PCDH9: variants seen among roughly 807,000 people sequenced by gnomAD.
PCDH9 encodes protocadherin 9, also known as protocadherin-9.
PCDH9 carries 24 observed loss-of-function variants against 70.6 expected under a neutral mutation model. The observed-to-expected ratio is 0.34, with a 90% CI of 0.25 to 0.48. The LOEUF is 0.48. Among genes scored for constraint, PCDH9 ranks in the 20% least tolerant of loss-of-function variants. PCDH9 has a pLI of 0.99. For synonymous variants in PCDH9, 562 were observed against 558.5 expected (o/e 1.01, Z -0.09); for missense variants, 1,281 against 1,503.6 (o/e 0.85, Z 2.45).
At position 66,874,728 on chromosome 13, in the gene PCDH9, T is replaced by C. The variant is rs552993571; in HGVS notation, c.3138+28776A>G. Among the ~76,000 whole-genome samples the C allele has an allele frequency of 2.6e-5, 4 of 152,272 alleles. No homozygotes were observed. In the South Asian group the frequency reaches 8.3e-4, roughly 32 times the overall value. ...ATTATTTTGGGCCTGAAACAGTACATAATTCTCATTTAACAAGATAAGACG... is the reference window on the plus strand; with the variant it reads ...ATTATTTTGGGCCTGAAACAGTACACAATTCTCATTTAACAAGATAAGACG... On this transcript the variant is annotated intron_variant, in intron 3 of 4. Transcript: ENST00000377865.
At chr13:66,868,203 A>C (rs71446826) in intron 3 of PCDH9, among the ~76,000 whole-genome samples, 1,816 of 152,124 alleles carry the variant, frequency 0.012, 17 homozygotes, top group Non-Finnish European at 0.02. Flanking sequence ...CAAATTTAGC[A>C]TGGCTAAATT....
At chr13:66,651,958 T>A (rs996632388) in intron 3 of PCDH9, among the ~76,000 whole-genome samples, 1 of 152,050 alleles carries the variant, frequency 6.6e-6, no homozygotes, top group Admixed American at 6.5e-5. Context: ...TAAAGTTCAA[T>A]ACCCTTTATG....
At chr13:66,488,990 C>T (rs1039412345) in intron 4 of PCDH9, among the ~76,000 whole-genome samples, 8 of 151,904 alleles carry the variant, frequency 5.3e-5, no homozygotes, top group East Asian at 1.9e-4. Flanking sequence ...AATATGTGTT[C>T]GTATACACAC....
chr13:66,502,499 A>G (rs982948671), intron 4 of PCDH9, among the ~76,000 whole-genome samples: 1 of 152,194 alleles, frequency 6.6e-6, no homozygotes, highest in African/African-American at 2.4e-5. Flanking sequence ...ACAAAACTAT[A>G]TAAACACACT....
At chr13:66,558,587 A>G (rs1961850328) in intron 4 of PCDH9, among the ~76,000 whole-genome samples, 1 of 152,030 alleles carries the variant, frequency 6.6e-6, no homozygotes, top group Non-Finnish European at 1.5e-5. Context: ...AATTTTTTTA[A>G]AAAACCTTTC....
intron 4 of PCDH9, among the ~76,000 whole-genome samples, chr13:66,349,684 A>G (rs1956264633): frequency 6.6e-6 from 1 of 152,134 alleles, no homozygotes; most frequent in South Asian, 2.1e-4. Context: ...CAGCGGTGCT[A>G]CCTTTACCTG....
intron 2 of PCDH9, among the ~76,000 whole-genome samples, chr13:67,146,326 T>C (rs2087522668): frequency 6.6e-6 from 1 of 152,142 alleles, no homozygotes; most frequent in Non-Finnish European, 1.5e-5. Context: ...ACTTAATAAA[T>C]AAGCATACAT....
intron 2 of PCDH9, among the ~76,000 whole-genome samples, chr13:66,976,186 T>TA (rs750075997): frequency 6.6e-5 from 10 of 152,100 alleles, no homozygotes; most frequent in Non-Finnish European, 1.3e-4. Context: ...TCTTCAATTC[T>TA]AAAATCCCCT....
intron 2 of PCDH9, among the ~76,000 whole-genome samples, chr13:67,003,570 T>A (rs2084287711): frequency 6.6e-6 from 1 of 152,172 alleles, no homozygotes; most frequent in South Asian, 2.1e-4. Context: ...CACATATTAT[T>A]AGATAGATTT....
intron 3 of PCDH9, among the ~76,000 whole-genome samples, chr13:66,814,364 T>A (rs1241836459): frequency 6.6e-6 from 1 of 152,144 alleles, no homozygotes; most frequent in African/African-American, 2.4e-5. Flanking sequence ...CTATTATTAA[T>A]TAATGTTGAA....
intron 3 of PCDH9, among the ~76,000 whole-genome samples, chr13:66,868,107 A>G (rs970429227): frequency 2.0e-5 from 3 of 152,044 alleles, no homozygotes; most frequent in African/African-American, 7.2e-5. Context: ...AAATGTAATG[A>G]GTGATTCAAA....
At chr13:66,561,412 C>A (rs1257584245) in intron 4 of PCDH9, among the ~76,000 whole-genome samples, 1 of 152,204 alleles carries the variant, frequency 6.6e-6, no homozygotes, top group Non-Finnish European at 1.5e-5. Context: ...AGTGCAGACA[C>A]AAGGCACAGG....
intron 3 of PCDH9, among the ~76,000 whole-genome samples, chr13:66,849,604 G>A (rs79880553): frequency 0.03 from 4,492 of 150,110 alleles, 236 homozygotes; most frequent in African/African-American, 0.1. Flanking sequence ...GAACTGTGCC[G>A]CTTTAAGGTA....
intron 3 of PCDH9, among the ~76,000 whole-genome samples, chr13:66,737,914 G>T (rs1566159515): frequency 6.6e-6 from 1 of 151,204 alleles, no homozygotes; most frequent in East Asian, 2.0e-4. Context: ...CAGCGAGGCT[G>T]GGGGAGGGGC....
At chr13:66,899,734 T>A (rs1472252186) in intron 3 of PCDH9, among the ~76,000 whole-genome samples, 4 of 151,932 alleles carry the variant, frequency 2.6e-5, no homozygotes, top group Non-Finnish European at 5.9e-5. Flanking sequence ...GCATTATGCA[T>A]TTATGGCATA....
intron 3 of PCDH9, among the ~76,000 whole-genome samples, chr13:66,812,348 A>G (rs894104811): frequency 6.6e-6 from 1 of 152,198 alleles, no homozygotes; most frequent in Non-Finnish European, 1.5e-5. Context: ...GGAAAAACTG[A>G]ACAAAAAAAA....
At chr13:66,558,585 T>TA (rs1961850173) in intron 4 of PCDH9, among the ~76,000 whole-genome samples, 1 of 151,944 alleles carries the variant, frequency 6.6e-6, no homozygotes, top group African/African-American at 2.4e-5. Flanking sequence ...GAAATTTTTT[T>TA]AAAAAACCTT....
At chr13:67,043,927 G>A (rs1418969293) in intron 2 of PCDH9, among the ~76,000 whole-genome samples, 1 of 152,108 alleles carries the variant, frequency 6.6e-6, no homozygotes, top group African/African-American at 2.4e-5. Context: ...GGTATATGCT[G>A]TTTTAAATGC....
intron 2 of PCDH9, among the ~76,000 whole-genome samples, chr13:66,904,888 A>C (rs2139602045): frequency 6.6e-6 from 1 of 152,120 alleles, no homozygotes; most frequent in Admixed American, 6.6e-5. Flanking sequence ...AGAAGGCATG[A>C]CTTTAAATCC....
Sources: allele counts gnomAD v4.1 joint callset (sites outside exome capture counted in the v4.1 genomes callset), GRCh38; gene constraint gnomAD v4.1.1; transcripts MANE v1.5; gene names NCBI Gene and HGNC (gene_info 2026-07-23, HGNC 2026-07-21).